The following HDAC9 variants were observed in gnomAD, a reference collection of about 807,000 sequenced individuals.
The protein encoded by HDAC9 is histone deacetylase 9, also known as MEF-2 interacting transcription repressor (MITR) protein.
In HDAC9, 41 loss-of-function variants were observed where a neutral mutation model predicts 139.4. That is an observed-to-expected ratio of 0.29 (90% CI 0.23 to 0.38). HDAC9 has a LOEUF of 0.38. Among genes scored for constraint, HDAC9 ranks in the 10% least tolerant of loss-of-function variants. The pLI is 1.00. For synonymous variants in HDAC9, 517 were observed against 476.2 expected, an observed-to-expected ratio of 1.09 and a Z score of -1.12; for missense variants, 1,147 against 1,297.0, an observed-to-expected ratio of 0.88 and a Z score of 1.78.
intron 22 of HDAC9, among the ~76,000 whole-genome samples, chr7:18,891,885 G>A (rs1800713126): frequency 6.6e-6 from 1 of 152,004 alleles, no homozygotes; most frequent in Admixed American, 6.6e-5. Flanking sequence ...ATTCCCTCTG[G>A]GGGTGATCTA....
At chr7:18,969,725 T>C (rs2129333911) in intron 24 of HDAC9, among the ~76,000 whole-genome samples, 1 of 151,542 alleles carries the variant, frequency 6.6e-6, no homozygotes, top group South Asian at 2.1e-4. Flanking sequence ...GAACTTTGGA[T>C]GGATTAATGG....
chr7:18,859,626 C>T (rs556966453), intron 21 of HDAC9, among the ~76,000 whole-genome samples: 1 of 150,936 alleles, frequency 6.6e-6, no homozygotes, highest in Non-Finnish European at 1.5e-5. Context: ...AAAAATAATA[C>T]ACACTTTTTC....
intron 2 of HDAC9, among the ~76,000 whole-genome samples, chr7:18,524,863 TAC>T (rs57123600): frequency 0.11 from 14,035 of 127,232 alleles, 715 homozygotes; most frequent in Admixed American, 0.2. Context: ...CTTAGTGACA[TAC>T]ACACACACAC....
At chr7:18,392,069 G>A (rs1489973410) in intron 1 of HDAC9, among the ~76,000 whole-genome samples, 2 of 152,108 alleles carry the variant, frequency 1.3e-5, no homozygotes, top group African/African-American at 4.8e-5. Flanking sequence ...AAGACACAGT[G>A]AAAAGAGAGA....
chr7:18,574,585 C>T (rs868866022), intron 2 of HDAC9, among the ~76,000 whole-genome samples: 9 of 152,294 alleles, frequency 5.9e-5, no homozygotes, highest in South Asian at 2.1e-4. Context: ...TGCCTCCTGC[C>T]GCCATCAGTC....
At chr7:18,679,580 C>G (rs946395782) in intron 12 of HDAC9, among the ~76,000 whole-genome samples, 4 of 146,092 alleles carry the variant, frequency 2.7e-5, no homozygotes, top group African/African-American at 5.0e-5. Context: ...CCCTCTTTCT[C>G]TTTCTTCTCT....
chr7:18,249,151 TA>T (rs1349707886), intron 2 of HDAC9, among the ~76,000 whole-genome samples: 2 of 152,222 alleles, frequency 1.3e-5, no homozygotes, highest in Non-Finnish European at 2.9e-5. Context: ...TTTTGGTATA[TA>T]TTTTCTTAAA....
chr7:18,761,473 T>G (rs568247676), intron 14 of HDAC9, among the ~76,000 whole-genome samples: 4 of 152,254 alleles, frequency 2.6e-5, no homozygotes, highest in Admixed American at 2.6e-4. Flanking sequence ...ACGGCAAAAG[T>G]GAAATAAATA....
intron 25 of HDAC9, among the ~76,000 whole-genome samples, chr7:18,977,205 G>T (rs917960324): frequency 6.6e-6 from 1 of 152,060 alleles, no homozygotes; most frequent in Admixed American, 6.6e-5. Context: ...TTGATAATAA[G>T]AACTAACCCC....
intron 16 of HDAC9, among the ~76,000 whole-genome samples, chr7:18,776,515 C>T (rs1790779527): frequency 2.0e-5 from 3 of 151,896 alleles, no homozygotes; most frequent in Non-Finnish European, 2.9e-5. Context: ...AAACAGAAAA[C>T]GTTTTATCCT....
At chr7:18,811,239 A>G (rs1244781903) in intron 17 of HDAC9, among the ~76,000 whole-genome samples, 3 of 150,966 alleles carry the variant, frequency 2.0e-5, no homozygotes, top group Non-Finnish European at 4.4e-5. Flanking sequence ...TCTGTTTCCT[A>G]TTTTACTGAC....
chr7:18,275,760 C>T (rs1419717146), intron 2 of HDAC9, among the ~76,000 whole-genome samples: 2 of 152,186 alleles, frequency 1.3e-5, no homozygotes, highest in East Asian at 1.9e-4. Context: ...AGTCACCATA[C>T]CACTGAGCCC....
At chr7:18,667,248 G>T in intron 12 of HDAC9, 7 of 985,254 alleles carry the variant, frequency 7.1e-6, no homozygotes, top group Non-Finnish European at 8.4e-6. Context: ...GCAAATGTTA[G>T]TGAGAAGTAA....
At chr7:18,643,546 C>T (rs1786405438) in intron 8 of HDAC9, among the ~76,000 whole-genome samples, 1 of 152,082 alleles carries the variant, frequency 6.6e-6, no homozygotes, top group Non-Finnish European at 1.5e-5. Context: ...GGAATAACAT[C>T]CTGTGTTTTG....
At chr7:18,732,650 TATATAC>T (rs770796668) in intron 13 of HDAC9, among the ~76,000 whole-genome samples, 3 of 79,328 alleles carry the variant, frequency 3.8e-5, no homozygotes, top group African/African-American at 1.4e-4. Flanking sequence ...CATATGTGTA[TATATAC>T]ACACACACGT....
At chr7:18,751,698 T>A (rs747357212) in intron 14 of HDAC9, among the ~76,000 whole-genome samples, 1 of 152,086 alleles carries the variant, frequency 6.6e-6, no homozygotes, top group Non-Finnish European at 1.5e-5. Context: ...GTGAATGATA[T>A]TAGAAAAATT....
At chr7:18,680,570 G>A (rs765005204) in intron 12 of HDAC9, among the ~76,000 whole-genome samples, 96 of 152,082 alleles carry the variant, frequency 6.3e-4, no homozygotes, top group Middle Eastern at 6.8e-3. Flanking sequence ...CAGGCCCAGG[G>A]AGGTTATGTG....
rs909698932 is a variant in HDAC9 at position 19,001,502 on chromosome 7, T to G, written c.*5440T>G. ...TTCATAGAGATCTTGCAGCAATATT[T>G]GGCTATTGGTTTTATTAACTTAAAA... On this transcript the variant is annotated 3_prime_UTR_variant, in exon 26 of 26. Coordinates refer to ENST00000686413, the MANE Select transcript of HDAC9 (RefSeq NM_178425.4). 4 of 151,754 alleles carry G rather than the reference T, an allele frequency of 2.6e-5. No individual in the cohort carries two copies. Among genetic ancestry groups the G allele is most frequent in the Admixed American group, 6.6e-5 (1 of 15,220 alleles). The allele number at this position is 151,754 out of a possible 1,614,324, so 9.4% of individuals were successfully genotyped here.
At chr7:18,201,813 T>C (rs953622253) in intron 2 of HDAC9, among the ~76,000 whole-genome samples, 4 of 152,206 alleles carry the variant, frequency 2.6e-5, no homozygotes, top group African/African-American at 9.7e-5. Context: ...ATTTTCCCAT[T>C]ATTCTCCTGA....
Sources: allele counts gnomAD v4.1 joint callset (sites outside exome capture counted in the v4.1 genomes callset), GRCh38; gene constraint gnomAD v4.1.1; transcripts MANE v1.5; gene names NCBI Gene and HGNC (gene_info 2026-07-23, HGNC 2026-07-21).